Variants in RPS6KC1 observed in about 807,000 individuals in gnomAD.
RPS6KC1 encodes the protein inactive ribosomal protein S6 kinase delta-1.
RPS6KC1 carries 54 observed loss-of-function variants against 103.8 expected under a neutral mutation model. The ratio of observed to expected loss-of-function variants is 0.52; its 90% CI spans 0.42 to 0.65. The LOEUF is 0.65. Ranked by LOEUF, RPS6KC1 falls within the 30% of genes least tolerant of loss-of-function variation. RPS6KC1 has a pLI of 0.00. For synonymous variants in RPS6KC1, 439 were observed against 438.7 expected, an observed-to-expected ratio of 1.00 and a Z score of -0.01; for missense variants, 1,151 against 1,253.8, an observed-to-expected ratio of 0.92 and a Z score of 1.24.
the RPS6KC1 span, among the ~76,000 whole-genome samples, chr1:213,359,209 C>CA: frequency 2.6e-5 from 4 of 152,176 alleles, no homozygotes; most frequent in African/African-American, 9.7e-5. Context: ...TCGTAGGTCT[C>CA]TAAGGACTTG....
At chr1:213,118,048 C>T (rs553019243) in intron 5 of RPS6KC1, among the ~76,000 whole-genome samples, 2 of 53,414 alleles carry the variant, frequency 3.7e-5, no homozygotes, top group African/African-American at 2.3e-4. Flanking sequence ...AAGCCTTACT[C>T]ATTTCTTTAG....
chr1:213,560,113 A>G, the RPS6KC1 span, among the ~76,000 whole-genome samples: 4 of 152,212 alleles, frequency 2.6e-5, no homozygotes, highest in Non-Finnish European at 5.9e-5. Flanking sequence ...CTCCTGTAAT[A>G]GGCAAAATTC....
the RPS6KC1 span, among the ~76,000 whole-genome samples, chr1:213,438,334 A>C: frequency 1.3e-5 from 2 of 152,160 alleles, no homozygotes; most frequent in East Asian, 3.9e-4. Context: ...ATGACTCATA[A>C]TTTTCTATTA....
chr1:213,545,369 C>T, the RPS6KC1 span, among the ~76,000 whole-genome samples: 1 of 103,938 alleles, frequency 9.6e-6, no homozygotes. Flanking sequence ...GAAACTCTGT[C>T]TCAAATAAAT....
intron 6 of RPS6KC1, among the ~76,000 whole-genome samples, chr1:213,155,550 C>T (rs140509735): frequency 6.3e-4 from 96 of 152,252 alleles, no homozygotes; most frequent in Admixed American, 1.5e-3. Flanking sequence ...AGTTGCTGTT[C>T]AGTACCTCAC....
At chr1:213,385,532 A>G in the RPS6KC1 span, among the ~76,000 whole-genome samples, 2 of 152,196 alleles carry the variant, frequency 1.3e-5, no homozygotes, top group Non-Finnish European at 2.9e-5. Flanking sequence ...AGGCAAAATA[A>G]AGAAGATGGT....
At chr1:213,633,976 C>A in the RPS6KC1 span, among the ~76,000 whole-genome samples, 2 of 131,670 alleles carry the variant, frequency 1.5e-5, no homozygotes, top group South Asian at 5.3e-4. Flanking sequence ...TCAAAAGAGA[C>A]AAAGAAGGCC....
At chr1:213,244,026 C>T (rs1339964004) in intron 12 of RPS6KC1, among the ~76,000 whole-genome samples, 8 of 151,682 alleles carry the variant, frequency 5.3e-5, no homozygotes, top group Admixed American at 2.0e-4. Flanking sequence ...CTTTTCTTTC[C>T]TCCTTCTTCC....
chr1:213,462,580 A>G, the RPS6KC1 span, among the ~76,000 whole-genome samples: 4 of 152,232 alleles, frequency 2.6e-5, no homozygotes, highest in Non-Finnish European at 4.4e-5. Context: ...AGCCATAAAA[A>G]AGGATGAGTT....
At chr1:213,658,333 G>A in the RPS6KC1 span, among the ~76,000 whole-genome samples, 1 of 152,308 alleles carries the variant, frequency 6.6e-6, no homozygotes, top group East Asian at 1.9e-4. Context: ...TTGGCCCACA[G>A]GGAAAGAGGT....
the RPS6KC1 span, among the ~76,000 whole-genome samples, chr1:213,438,304 AT>A: frequency 6.6e-6 from 1 of 152,128 alleles, no homozygotes; most frequent in South Asian, 2.1e-4. Context: ...AGTCTCAGTC[AT>A]TTGGTCTTAT....
chr1:213,700,201 C>G, the RPS6KC1 span, among the ~76,000 whole-genome samples: 448 of 151,604 alleles, frequency 3.0e-3, 2 homozygotes, highest in African/African-American at 0.01. Flanking sequence ...TTAAGTCATT[C>G]GTTCATTTTT....
chr1:213,345,689 T>C, the RPS6KC1 span, among the ~76,000 whole-genome samples: 54 of 152,332 alleles, frequency 3.5e-4, no homozygotes, highest in African/African-American at 1.3e-3. Context: ...TCCTCCTTTT[T>C]GATGGGCCCT....
chr1:213,746,249 C>T, the RPS6KC1 span, among the ~76,000 whole-genome samples: 3 of 152,226 alleles, frequency 2.0e-5, no homozygotes, highest in Non-Finnish European at 4.4e-5. Flanking sequence ...GAATGCTCTA[C>T]AACTTGTCAG....
intron 4 of RPS6KC1, among the ~76,000 whole-genome samples, chr1:213,116,781 G>T (rs1251363958): frequency 3.3e-5 from 5 of 151,748 alleles, no homozygotes; most frequent in Admixed American, 6.6e-5. Context: ...TTGCTTGTCT[G>T]TAAAGTATTT....
At chr1:213,077,528 T>A (rs2079454504) in intron 2 of RPS6KC1, among the ~76,000 whole-genome samples, 168 bp from the exon 3 acceptor site, 1 of 152,198 alleles carries the variant, frequency 6.6e-6, no homozygotes, top group African/African-American at 2.4e-5. Flanking sequence ...TGCCTTATAT[T>A]TTTAAAGCAA....
chr1:213,498,457 CTTTTA>C, the RPS6KC1 span, among the ~76,000 whole-genome samples: 4,494 of 148,298 alleles, frequency 0.03, 165 homozygotes, highest in East Asian at 0.12. Context: ...CTTTTCTTTT[CTTTTA>C]TTTTCTTTTT....
chr1:213,334,440 A>G, the RPS6KC1 span, among the ~76,000 whole-genome samples: 1 of 151,436 alleles, frequency 6.6e-6, no homozygotes, highest in South Asian at 2.1e-4. Context: ...CCATACAGAT[A>G]TATCCTGCAA....
the RPS6KC1 span, among the ~76,000 whole-genome samples, chr1:213,700,115 A>G: frequency 6.7e-6 from 1 of 150,132 alleles, no homozygotes; most frequent in South Asian, 2.1e-4. Flanking sequence ...TCCTCAAGAA[A>G]TTTTTGCCCA....
Sources: allele counts gnomAD v4.1 joint callset (sites outside exome capture counted in the v4.1 genomes callset), GRCh38; gene constraint gnomAD v4.1.1; transcripts MANE v1.5; gene names NCBI Gene and HGNC (gene_info 2026-07-23, HGNC 2026-07-21).